The following PLXDC2 variants were observed in gnomAD, a reference collection of about 807,000 sequenced individuals.
PLXDC2 encodes the protein plexin domain-containing protein 2.
PLXDC2 carries 40 observed loss-of-function variants against 68.9 expected under a neutral mutation model. The ratio of observed to expected loss-of-function variants is 0.58; its 90% CI spans 0.45 to 0.76. PLXDC2 has a LOEUF of 0.76. PLXDC2 is among the 30% of genes least tolerant of loss of function. PLXDC2 has a pLI of 0.00. For missense variants in PLXDC2, 644 were observed against 661.9 expected (o/e 0.97, Z 0.30); for synonymous variants, 243 against 234.2 (o/e 1.04, Z -0.34).
At chr10:20,274,821 A>G (rs1346812502) in intron 13 of PLXDC2, among the ~76,000 whole-genome samples, 1 of 151,844 alleles carries the variant, frequency 6.6e-6, no homozygotes, top group African/African-American at 2.4e-5. Context: ...TTCCCCATAG[A>G]TACAATTGAC....
At chr10:20,248,664 G>A (rs749714720) in intron 13 of PLXDC2, among the ~76,000 whole-genome samples, 24 of 152,088 alleles carry the variant, frequency 1.6e-4, no homozygotes, top group Admixed American at 7.2e-4. Context: ...ATTTTTGGAG[G>A]TGATAATCAT....
chr10:19,920,780 A>T (rs1025120220), intron 1 of PLXDC2, among the ~76,000 whole-genome samples: 1 of 151,178 alleles, frequency 6.6e-6, no homozygotes, highest in African/African-American at 2.4e-5. Context: ...CTGTTTTTGA[A>T]CTCCTGGCCT....
intron 12 of PLXDC2, among the ~76,000 whole-genome samples, chr10:20,231,676 A>T (rs1027075312): frequency 3.3e-5 from 5 of 152,032 alleles, no homozygotes; most frequent in Non-Finnish European, 5.9e-5. Flanking sequence ...AATAAATTTA[A>T]TATCTCTAAG....
intron 1 of PLXDC2, among the ~76,000 whole-genome samples, chr10:19,825,381 C>CT (rs1836552409): frequency 6.6e-6 from 1 of 152,090 alleles, no homozygotes; most frequent in African/African-American, 2.4e-5. Context: ...CTATGTATTC[C>CT]TTGGAGTGTT....
chr10:20,189,475 C>CTATATATATATA (rs1448305054), intron 9 of PLXDC2, among the ~76,000 whole-genome samples: 1 of 9,612 alleles, frequency 1.0e-4, no homozygotes, highest in Admixed American at 1.3e-3. Flanking sequence ...GAAAGGTAGG[C>CTATATATATATA]CATATATATA....
intron 6 of PLXDC2, among the ~76,000 whole-genome samples, chr10:20,150,138 C>A (rs1269693982): frequency 6.6e-6 from 1 of 152,096 alleles, no homozygotes; most frequent in East Asian, 1.9e-4. Flanking sequence ...AGAGTTCCCT[C>A]TTGATGCTGT....
chr10:20,269,816 G>A (rs1336198309), intron 13 of PLXDC2, among the ~76,000 whole-genome samples: 2 of 151,942 alleles, frequency 1.3e-5, no homozygotes, highest in Non-Finnish European at 2.9e-5. Context: ...TCAGGAGTTC[G>A]AGACCAGCCT....
In PLXDC2 at chr10:19,955,163, C is replaced by T. The variant is rs78713488; in HGVS notation, c.113-46612C>T. ...TGCTCAGTCTTCTGAGTAGCTGGGA[C>T]TATCGGCATGCACCACTATGCCCAG... On this transcript the variant is annotated intron_variant, in intron 1 of 13. Transcript: ENST00000377252. Among the ~76,000 whole-genome samples, 1,049 of 142,824 alleles carry T rather than the reference C, an allele frequency of 7.3e-3. 16 individuals carry two copies. The highest frequency in any genetic ancestry group is 0.026 in the African/African-American group (994 of 37,776). The allele number at this position is 142,824 out of a possible 152,430, so 93.7% of individuals were successfully genotyped here.
chr10:19,910,167 T>TA (rs1833240166), intron 1 of PLXDC2, among the ~76,000 whole-genome samples: 1 of 63,082 alleles, frequency 1.6e-5, no homozygotes, highest in Non-Finnish European at 3.1e-5. Context: ...ATTGTACACT[T>TA]TTATATATAT....
intron 10 of PLXDC2, among the ~76,000 whole-genome samples, chr10:20,215,795 T>G (rs1376470877): frequency 6.6e-6 from 1 of 152,076 alleles, no homozygotes; most frequent in Non-Finnish European, 1.5e-5. Context: ...TTTAAAGAAA[T>G]CTTGCTGATC....
In PLXDC2 at chr10:19,817,155, C is replaced by G; in HGVS notation, c.76C>G (p.Gln26Glu). 11 of 1,575,790 alleles carry G rather than the reference C, an allele frequency of 7.0e-6. No homozygotes were observed. Among genetic ancestry groups the G allele is most frequent in the African/African-American group, 1.4e-5 (1 of 74,002 alleles). Residue 26 changes from glutamine to glutamate, a missense_variant, in exon 1 of 14, where the codon CAG becomes GAG. Coordinates refer to ENST00000377252, the MANE Select transcript of PLXDC2 (RefSeq NM_032812.9). Reference sequence around the variant, plus strand: ...TTGCCACTTCTTCACGGACCAGTTTCAGTTCGCCGATGGGAAACCCGGAGA... The same window carrying G: ...TTGCCACTTCTTCACGGACCAGTTTGAGTTCGCCGATGGGAAACCCGGAGA... Reference protein sequence around the residue: ...LLCHFFTDQFQFADGKPGDQI... With the variant: ...LLCHFFTDQFEFADGKPGDQI...
At chr10:19,860,193 G>A (rs974299325) in intron 1 of PLXDC2, among the ~76,000 whole-genome samples, 41 of 152,134 alleles carry the variant, frequency 2.7e-4, no homozygotes, top group African/African-American at 9.7e-4. Context: ...ATTAGACCTT[G>A]GCTTTGTCAT....
chr10:20,220,838 CTT>C (rs4026632), intron 12 of PLXDC2, among the ~76,000 whole-genome samples: 3,399 of 116,396 alleles, frequency 0.029, 51 homozygotes, highest in Admixed American at 0.041. Context: ...GCTCTTAACA[CTT>C]TTTTTTTTTT....
rs1836153087 is a variant in PLXDC2, at chr10:20,286,425, A to G, written c.*6606A>G. 1 of 152,166 alleles carries G rather than the reference A, an allele frequency of 6.6e-6. No homozygotes were observed. The highest frequency in any genetic ancestry group is 1.5e-5 in the Non-Finnish European group (1 of 68,028). 9.4% of individuals were successfully genotyped at this position (152,166 alleles called of 1,614,324 possible). A position where few individuals can be genotyped will look rare whatever the true frequency, so the allele number is the denominator to read the frequency against. ...ATTTTATTTATTTTCATTCTGGTTG[A>G]AAAAAATCTCAGTGGCTTCTCTTCA... On this transcript the variant is annotated 3_prime_UTR_variant, in exon 14 of 14. Transcript: ENST00000377252.
At chr10:20,056,556 C>T (rs545227387) in intron 3 of PLXDC2, among the ~76,000 whole-genome samples, 1 of 152,190 alleles carries the variant, frequency 6.6e-6, no homozygotes, top group African/African-American at 2.4e-5. Flanking sequence ...TACTGTTCTT[C>T]CTGAATCTAG....
intron 9 of PLXDC2, among the ~76,000 whole-genome samples, chr10:20,195,431 G>A (rs2131842980): frequency 6.6e-6 from 1 of 152,284 alleles, no homozygotes; most frequent in East Asian, 1.9e-4. Context: ...ACGAGCGGGT[G>A]CAGTGGGTGC....
At chr10:20,032,463 T>C (rs1167612274) in intron 2 of PLXDC2, among the ~76,000 whole-genome samples, 1 of 152,122 alleles carries the variant, frequency 6.6e-6, no homozygotes, top group Non-Finnish European at 1.5e-5. Flanking sequence ...TCTGGTTTAA[T>C]AGGTTTACTT....
chr10:20,076,233 G>A (rs555726681), intron 4 of PLXDC2, among the ~76,000 whole-genome samples: 32 of 152,304 alleles, frequency 2.1e-4, no homozygotes, highest in African/African-American at 7.2e-4. Context: ...TCAGAAATGA[G>A]TTCAAAAGAG....
At chr10:19,982,278 C>T (rs1212424318) in intron 1 of PLXDC2, among the ~76,000 whole-genome samples, 2 of 152,194 alleles carry the variant, frequency 1.3e-5, no homozygotes, top group African/African-American at 4.8e-5. Context: ...ATCCTAGAGT[C>T]CCTGAATGGT....
Sources: gnomAD v4.1 joint callset for allele counts (sites outside exome capture counted in the v4.1 genomes callset) on GRCh38, gnomAD v4.1.1 for gene constraint, MANE v1.5 for transcripts, NCBI Gene and HGNC (gene_info 2026-07-23, HGNC 2026-07-21) for gene names.